CLEC16A: variants seen among roughly 807,000 people sequenced by gnomAD.
CLEC16A encodes protein CLEC16A.
In CLEC16A, 51 loss-of-function variants were observed where a neutral mutation model predicts 109.5. That is an observed-to-expected ratio of 0.47 (90% CI 0.37 to 0.59). The LOEUF (loss-of-function observed/expected upper bound fraction) is 0.59, where lower values mean the gene tolerates loss of function less well. CLEC16A is among the 20% of genes least tolerant of loss of function. CLEC16A has a pLI of 0.00. For missense variants in CLEC16A, 1,339 were observed against 1,394.0 expected (o/e 0.96, Z 0.63); for synonymous variants, 673 against 564.2 (o/e 1.19, Z -2.73).
chr16:11,019,348 C>G (rs2045955841), intron 11 of CLEC16A, among the ~76,000 whole-genome samples: 2 of 152,160 alleles, frequency 1.3e-5, no homozygotes, highest in African/African-American at 2.4e-5. Context: ...AAGCTGATTG[C>G]TACAGGTTAC....
At chr16:10,962,679 C>T (rs146011378) in intron 3 of CLEC16A, 91 bp downstream of exon 3, 6 of 1,388,840 alleles carry the variant, frequency 4.3e-6, no homozygotes, top group Non-Finnish European at 6.0e-6. Context: ...GCTTACTATT[C>T]GTCGGCTCAG....
At chr16:11,069,456 A>G (rs568898382) in intron 19 of CLEC16A, among the ~76,000 whole-genome samples, 6 of 151,578 alleles carry the variant, frequency 4.0e-5, no homozygotes, top group East Asian at 1.9e-4. Flanking sequence ...TTTTTTTTAT[A>G]CAAGGTCTCG....
chr16:11,008,374 G>T (rs1374464478), intron 11 of CLEC16A, among the ~76,000 whole-genome samples: 1 of 152,190 alleles, frequency 6.6e-6, no homozygotes, highest in East Asian at 1.9e-4. Context: ...ATACTAATCA[G>T]ATTCGAATGG....
Position 10,957,834 on chromosome 16 carries a change from A to G in CLEC16A, c.133A>G (p.Asn45Asp). 6.2e-7 allele frequency: 1 copy of G among 1,613,836 alleles called. No individual in the cohort carries two copies. The highest frequency in any genetic ancestry group is 8.5e-7 in the Non-Finnish European group (1 of 1,179,716). ...CACCACAGTCACAGAACAGAACCGG[A>G]ACCTGCTAGTGGAGACCATCCGTTC... ...KNTTVTEQNR[N>D]LLVETIRSIT... Residue 45 changes from asparagine to aspartate, a missense_variant, in exon 2 of 24, where the codon AAC (asparagine) becomes GAC (aspartate). Asn to Asp is a conservative substitution (Grantham distance 23). Coordinates refer to ENST00000409790, the MANE Select transcript of CLEC16A (RefSeq NM_015226.3).
intron 22 of CLEC16A, among the ~76,000 whole-genome samples, chr16:11,154,063 C>A (rs2054405530): frequency 6.6e-6 from 1 of 152,224 alleles, no homozygotes; most frequent in Non-Finnish European, 1.5e-5. Context: ...GAGAGGAACA[C>A]ACACAGGTGT....
chr16:11,162,229 G>A (rs1005365798), intron 22 of CLEC16A, among the ~76,000 whole-genome samples: 1 of 152,234 alleles, frequency 6.6e-6, no homozygotes, highest in South Asian at 2.1e-4. Context: ...GTGAAACTGG[G>A]GGCTCCTGGG....
chr16:11,150,343 C>G (rs1468861054), intron 22 of CLEC16A: 4 of 152,234 alleles, frequency 2.6e-5, no homozygotes. Context: ...TCTTTTCAGA[C>G]ACCACTGTAA....
chr16:10,971,869 T>C (rs2042806800), intron 5 of CLEC16A, among the ~76,000 whole-genome samples: 1 of 152,216 alleles, frequency 6.6e-6, no homozygotes, highest in Non-Finnish European at 1.5e-5. Context: ...TCCTGGGTTA[T>C]TTTCCCCGGA....
At chr16:11,046,012 C>T (rs1349333053) in intron 16 of CLEC16A, among the ~76,000 whole-genome samples, 2 of 152,120 alleles carry the variant, frequency 1.3e-5, no homozygotes, top group Non-Finnish European at 2.9e-5. Context: ...TCCCACTTTC[C>T]CCTTAGAACA....
At chr16:11,110,529 A>G (rs1597414413) in intron 19 of CLEC16A, among the ~76,000 whole-genome samples, 1 of 146,978 alleles carries the variant, frequency 6.8e-6, no homozygotes, top group African/African-American at 2.4e-5. Context: ...GAAGAGACTC[A>G]TTTAGTCAAG....
intron 14 of CLEC16A, 40 bp from the exon 15 acceptor site, chr16:11,042,214 C>A: frequency 6.7e-7 from 1 of 1,493,186 alleles, no homozygotes; most frequent in Non-Finnish European, 9.1e-7. Context: ...AAGGGCGCCC[C>A]ACCCTGGGTG....
At chr16:11,099,091 C>T (rs900101016) in intron 19 of CLEC16A, among the ~76,000 whole-genome samples, 2 of 137,716 alleles carry the variant, frequency 1.5e-5, no homozygotes, top group Non-Finnish European at 3.2e-5. Context: ...AGTCATAACC[C>T]CCAGGCTGAG....
intron 19 of CLEC16A, among the ~76,000 whole-genome samples, chr16:11,113,075 C>G (rs540257415): frequency 9.8e-4 from 150 of 152,368 alleles, no homozygotes; most frequent in African/African-American, 3.4e-3. Context: ...CTCTTGAACT[C>G]ACAGGTGTGA....
chr16:11,073,919 G>A (rs972678183), intron 19 of CLEC16A, among the ~76,000 whole-genome samples: 1 of 152,208 alleles, frequency 6.6e-6, no homozygotes, highest in Admixed American at 6.5e-5. Flanking sequence ...CTCATCTTGA[G>A]TAATTTCAGG....
chr16:11,081,843 T>C (rs1448498645), intron 19 of CLEC16A, among the ~76,000 whole-genome samples: 1 of 152,170 alleles, frequency 6.6e-6, no homozygotes, highest in African/African-American at 2.4e-5. Flanking sequence ...TGAAATGAAA[T>C]AAATGTGCCT....
In CLEC16A at chr16:11,174,291, G is replaced by A. The variant is rs1363193767; in HGVS notation, c.2807-4044G>A. The A allele has an allele frequency of 6.6e-6, 3 of 453,486 alleles. No individual in the cohort carries two copies. Among genetic ancestry groups the A allele is most frequent in the African/African-American group, 6.0e-5 (3 of 49,892 alleles). 28.1% of individuals were successfully genotyped at this position (453,486 alleles called of 1,614,324 possible). A position where few individuals can be genotyped will look rare whatever the true frequency, so the allele number is the denominator to read the frequency against. On this transcript the variant is annotated intron_variant, in intron 23 of 23. Coordinates refer to ENST00000409790, the MANE Select transcript of CLEC16A (RefSeq NM_015226.3). The surrounding 1 kb of genome is among the most constrained non-coding windows in gnomAD (Gnocchi z 4.7). Reference sequence around the variant, plus strand: ...CAGTCAATTCAGGCAGGTCTCCCCTGTGAGCCGCTCGGGCCGCGACGTCCA... The same window carrying A: ...CAGTCAATTCAGGCAGGTCTCCCCTATGAGCCGCTCGGGCCGCGACGTCCA...
chr16:10,977,446 G>C, intron 8 of CLEC16A, 47 bp downstream of exon 8: 1 of 1,559,306 alleles, frequency 6.4e-7, no homozygotes, highest in East Asian at 2.3e-5. Flanking sequence ...CATCAGAAGT[G>C]GGGAAGAACA....
chr16:10,957,324 A>G (rs2042036732), intron 1 of CLEC16A, among the ~76,000 whole-genome samples: 1 of 152,232 alleles, frequency 6.6e-6, no homozygotes, highest in South Asian at 2.1e-4. Context: ...CCTCAACATT[A>G]GCCTGGCTGC....
At chr16:11,056,729 T>C (rs1255016437) in intron 18 of CLEC16A, 1 of 152,240 alleles carries the variant, frequency 6.6e-6, no homozygotes, top group Non-Finnish European at 1.5e-5. Flanking sequence ...TACAATAACA[T>C]CTCATGCAGT....
Sources: gnomAD v4.1 joint callset for allele counts (sites outside exome capture counted in the v4.1 genomes callset) on GRCh38, gnomAD v4.1.1 for gene constraint, Gnocchi (gnomAD v3.1) non-coding constraint, MANE v1.5 for transcripts, NCBI Gene and HGNC (gene_info 2026-07-23, HGNC 2026-07-21) for gene names.